SHISA6: variants seen among roughly 807,000 people sequenced by gnomAD.
SHISA6 encodes shisa family member 6.
A neutral mutation model predicts 47.9 loss-of-function variants in SHISA6; 22 were observed. The ratio of observed to expected loss-of-function variants is 0.46; its 90% CI spans 0.33 to 0.66. The LOEUF is 0.66. Ranked by LOEUF, SHISA6 falls within the 30% of genes least tolerant of loss-of-function variation. The pLI, the probability that SHISA6 is intolerant of heterozygous loss-of-function variation, is 0.02. For synonymous variants in SHISA6, 388 were observed against 337.8 expected (o/e 1.15, Z -1.63); for missense variants, 680 against 764.6 (o/e 0.89, Z 1.30).
intron 2 of SHISA6, among the ~76,000 whole-genome samples, chr17:11,281,639 CAG>C (rs1817454637): frequency 6.6e-6 from 1 of 152,110 alleles, no homozygotes; most frequent in South Asian, 2.1e-4. Context: ...GGTTTGGTAT[CAG>C]AGTAATGCTG....
chr17:11,278,250 A>C (rs1333417299), intron 2 of SHISA6, among the ~76,000 whole-genome samples: 1 of 152,106 alleles, frequency 6.6e-6, no homozygotes, highest in Admixed American at 6.5e-5. Context: ...GTTTTTCCCT[A>C]CTTTTGGTTC....
intron 2 of SHISA6, among the ~76,000 whole-genome samples, chr17:11,354,761 T>G (rs140715952): frequency 1.6e-4 from 25 of 152,202 alleles, no homozygotes; most frequent in Non-Finnish European, 2.5e-4. Context: ...CCCCCTATCC[T>G]CAGTCAGTGA....
intron 3 of SHISA6, among the ~76,000 whole-genome samples, chr17:11,426,862 C>G (rs189298628): frequency 2.4e-4 from 37 of 152,254 alleles, no homozygotes; most frequent in African/African-American, 7.2e-4. Context: ...CCCAGATATT[C>G]CAGATCTTCC....
rs559183183 is a variant in SHISA6, at chr17:11,422,523, G to A, written c.895+43014G>A. Among the ~76,000 whole-genome samples, 662 of 152,292 alleles carry A rather than the reference G, an allele frequency of 4.3e-3. 7 individuals are homozygous for A. Among genetic ancestry groups the A allele is most frequent in the African/African-American group, 0.015 (620 of 41,558 alleles). ...TCCCAACACTTTGGGAGGCCAAGGC[G>A]GGCGGATCACCTGAGGTCAGGAGTT... On this transcript the variant is annotated intron_variant, in intron 3 of 5. Coordinates refer to ENST00000441885, the MANE Select transcript of SHISA6 (RefSeq NM_207386.4).
intron 3 of SHISA6, among the ~76,000 whole-genome samples, chr17:11,449,444 A>AT (rs1915322552): frequency 1.3e-5 from 2 of 152,012 alleles, no homozygotes; most frequent in Admixed American, 1.3e-4. Context: ...CTCCATCTCT[A>AT]TTAAAAAAAA....
Position 11,241,483 on chromosome 17 carries a change from C to A in SHISA6, c.61C>A (p.Pro21Thr). 8.5e-7 allele frequency: 1 copy of A among 1,182,088 alleles called. No individual in the cohort carries two copies. The allele number at this position is 1,182,088 out of a possible 1,614,324, so 73.2% of individuals were successfully genotyped here. ...LLSLESLDLL[P>T]SVHGARGRAA... ...CTCGCTGGAGTCCCTGGACCTGCTG[C>A]CCAGCGTCCACGGAGCCCGCGGCCG... is the stretch of plus-strand genomic sequence containing the variant. The change falls in exon 1 of 6, where the codon CCC (proline) becomes ACC (threonine). Residue 21 changes from proline to threonine, a missense_variant. Pro to Thr is a conservative substitution (Grantham distance 38, BLOSUM62 -1). Coordinates refer to ENST00000441885, the MANE Select transcript of SHISA6 (RefSeq NM_207386.4). The surrounding 1 kb of genome is among the most constrained non-coding windows in gnomAD (Gnocchi z 5.5).
intron 3 of SHISA6, among the ~76,000 whole-genome samples, chr17:11,498,502 C>A (rs1315468128): frequency 6.6e-6 from 1 of 152,100 alleles, no homozygotes; most frequent in African/African-American, 2.4e-5. Flanking sequence ...TTCAAAATAA[C>A]TGGAGGAGAG....
chr17:11,243,082 A>C (rs1028062327), intron 1 of SHISA6, among the ~76,000 whole-genome samples: 2 of 151,782 alleles, frequency 1.3e-5, no homozygotes, highest in Non-Finnish European at 2.9e-5. Context: ...TGGTGTGGGC[A>C]CTGCCCTAGT....
intron 3 of SHISA6, among the ~76,000 whole-genome samples, chr17:11,532,617 G>A (rs1032815046): frequency 6.6e-6 from 1 of 151,976 alleles, no homozygotes; most frequent in African/African-American, 2.4e-5. Context: ...ACAATTCTCA[G>A]ATCAAGTTAG....
chr17:11,371,703 T>C (rs1394255168), intron 2 of SHISA6, among the ~76,000 whole-genome samples: 1 of 152,064 alleles, frequency 6.6e-6, no homozygotes, highest in African/African-American at 2.4e-5. Flanking sequence ...GTTTTTGTTG[T>C]TGTTGTTTTC....
At chr17:11,518,834 C>G (rs1405125385) in intron 3 of SHISA6, among the ~76,000 whole-genome samples, 1 of 152,130 alleles carries the variant, frequency 6.6e-6, no homozygotes, top group African/African-American at 2.4e-5. Context: ...TATTTTGTAC[C>G]TTCTGTTTCC....
intron 3 of SHISA6, among the ~76,000 whole-genome samples, chr17:11,411,330 A>G (rs1287569754): frequency 6.6e-6 from 1 of 151,892 alleles, no homozygotes; most frequent in Non-Finnish European, 1.5e-5. Flanking sequence ...TCTGTTTCTC[A>G]GGTATTTTAG....
intron 3 of SHISA6, among the ~76,000 whole-genome samples, chr17:11,514,696 C>T (rs1366924438): frequency 1.3e-5 from 2 of 152,164 alleles, no homozygotes; most frequent in Non-Finnish European, 2.9e-5. Flanking sequence ...GTTAATGCAC[C>T]CAGAGGAACT....
chr17:11,459,624 A>G (rs1029221517), intron 3 of SHISA6, among the ~76,000 whole-genome samples: 1 of 152,194 alleles, frequency 6.6e-6, no homozygotes, highest in African/African-American at 2.4e-5. Flanking sequence ...CAGGTAGAGG[A>G]AAGGTTCTGT....
At chr17:11,551,701 C>A (rs949633184) in intron 3 of SHISA6, among the ~76,000 whole-genome samples, 195 bp from the exon 4 acceptor site, 16 of 152,142 alleles carry the variant, frequency 1.1e-4, no homozygotes, top group African/African-American at 3.4e-4. Context: ...ACAGAGGAAA[C>A]CCTGTTGCAG....
In SHISA6 at chr17:11,452,847, CCT is replaced by C. The variant is rs1316091295; in HGVS notation, c.895+73339_895+73340del. 5.4e-4 allele frequency among the ~76,000 whole-genome samples: 82 copies of C among 151,558 alleles called. 1 individual carries two copies. The highest frequency in any genetic ancestry group is 2.9e-5 in the Non-Finnish European group (2 of 67,910). On this transcript the variant is annotated intron_variant, in intron 3 of 5. Transcript: ENST00000441885. ...TCTCCTCTTACTCTCTTCCTCTACT[CCT>C]TGTTCTCCTACGACTACTTCTCTGA...
Position 11,558,365 on chromosome 17 carries a change from CAGGAGCAGAGCTTCTAGCCTT to C in SHISA6, c.*62_*82del. 1 of 1,474,262 alleles carries C rather than the reference CAGGAGCAGAGCTTCTAGCCTT, an allele frequency of 6.8e-7. No individual in the cohort carries two copies. The highest frequency in any genetic ancestry group is 9.1e-7 in the Non-Finnish European group (1 of 1,102,428). 91.3% of individuals were successfully genotyped at this position (1,474,262 alleles called of 1,614,324 possible). ...GAGCAGAGCGGGGGCCGGGAGGGGCCAGGAGCAGAGCTTCTAGCCTTGCCACTCTCCCTTCCCTTGTCCCCT... is the reference window on the plus strand; with the variant it reads ...GAGCAGAGCGGGGGCCGGGAGGGGCCGCCACTCTCCCTTCCCTTGTCCCCT... On this transcript the variant is annotated 3_prime_UTR_variant, in exon 6 of 6. Transcript: ENST00000441885.
In SHISA6 at chr17:11,558,130, G is replaced by T. The variant is rs547536011; in HGVS notation, c.1482G>T (p.Lys494Asn). 3.2e-6 allele frequency: 5 copies of T among 1,551,026 alleles called. No homozygotes were observed. The African/African-American group carries it at 6.8e-5, about 21-fold the overall frequency. Reference protein sequence around the residue: ...TPVLDRYRMSKMHSHPSASNN... With the variant: ...TPVLDRYRMSNMHSHPSASNN... ...TGCTGGACCGCTACCGCATGAGCAA[G>T]ATGCACTCTCATCCCAGTGCCTCCA... Residue 494 changes from lysine to asparagine, a missense_variant, in exon 6 of 6, where the codon AAG becomes AAT. Around this residue, in one of 2 missense-constraint regions of SHISA6, gnomAD observed 559 missense variants for 674.1 expected, o/e 0.83. Transcript: ENST00000441885.
rs1907331104 is a variant in SHISA6 at position 11,241,580 on chromosome 17, G to T, written c.158G>T (p.Arg53Leu). 5 of 1,131,646 alleles carry T rather than the reference G, an allele frequency of 4.4e-6. No individual in the cohort carries two copies. Among genetic ancestry groups the T allele is most frequent in the African/African-American group, 3.3e-5 (2 of 60,402 alleles). 70.1% of individuals were successfully genotyped at this position (1,131,646 alleles called of 1,614,324 possible). Residue 53 changes from arginine (R) to leucine (L), a missense_variant, in exon 1 of 6, where the codon CGG becomes CTG. Physicochemically the swap from Arg to Leu is moderately radical, Grantham distance 102. Transcript: ENST00000441885. The surrounding 1 kb of genome is among the most constrained non-coding windows in gnomAD (Gnocchi z 5.5). Reference protein sequence around the residue: ...GGRRAGGALARGGRELNGTAR... With the variant: ...GGRRAGGALALGGRELNGTAR... ...CGGAGGGCCGGGGGCGCCCTGGCACGGGGCGGCCGCGAGCTGAACGGCACC... is the reference window on the plus strand; with the variant it reads ...CGGAGGGCCGGGGGCGCCCTGGCACTGGGCGGCCGCGAGCTGAACGGCACC...
Sources: allele counts gnomAD v4.1 joint callset (sites outside exome capture counted in the v4.1 genomes callset), GRCh38; gene constraint gnomAD v4.1.1; regional missense constraint gnomAD v4.1.1; non-coding constraint Gnocchi (gnomAD v3.1); transcripts MANE v1.5; gene names NCBI Gene and HGNC (gene_info 2026-07-23, HGNC 2026-07-21).